Variants in PCDH15 observed in about 807,000 individuals in gnomAD.
PCDH15 encodes protocadherin-15.
PCDH15 carries 129 observed loss-of-function variants against 178.5 expected under a neutral mutation model. The observed-to-expected ratio is 0.72, with a 90% CI of 0.63 to 0.84. PCDH15 has a LOEUF of 0.84. PCDH15 is among the 40% of genes least tolerant of loss of function. PCDH15 has a pLI of 0.00. For missense variants in PCDH15, 2,230 were observed against 2,099.9 expected (o/e 1.06, Z -1.21); for synonymous variants, 800 against 732.0 (o/e 1.09, Z -1.50).
chr10:55,103,410 C>T (rs1842615476), intron 2 of PCDH15, among the ~76,000 whole-genome samples: 1 of 152,160 alleles, frequency 6.6e-6, no homozygotes, highest in African/African-American at 2.4e-5. Flanking sequence ...TCTTGAATTT[C>T]TCCAAGATCC....
rs748995667 is a variant in PCDH15 at position 54,153,159 on chromosome 10, G to A, written c.1725C>T (p.Val575=). Reference sequence around the variant, plus strand: ...GGACCGTGAGTGCGTAAGTCCGCCCGACTATCATTTCCACCCCTGGAGCGA... The same window carrying A: ...GGACCGTGAGTGCGTAAGTCCGCCCAACTATCATTTCCACCCCTGGAGCGA... ...ITIAPGVEMI[V]GRTYALTVQA... The change falls in exon 14 of 38, where the codon GTC becomes GTT. Residue 575 remains valine, a synonymous_variant. Coordinates refer to ENST00000644397, the MANE Select transcript of PCDH15 (RefSeq NM_001384140.1). 8.1e-6 allele frequency: 13 copies of A among 1,613,740 alleles called. No homozygotes were observed. Among genetic ancestry groups the A allele is most frequent in the Non-Finnish European group, 1.1e-5 (13 of 1,179,884 alleles).
intron 2 of PCDH15, among the ~76,000 whole-genome samples, chr10:55,472,557 A>T (rs1839982474): frequency 6.6e-6 from 1 of 151,444 alleles, no homozygotes; most frequent in Admixed American, 6.6e-5. Context: ...AGGAGAAAAA[A>T]CACATGAACT....
intron 20 of PCDH15, among the ~76,000 whole-genome samples, chr10:54,019,192 C>T (rs2092834874): frequency 6.6e-6 from 1 of 151,922 alleles, no homozygotes; most frequent in Admixed American, 6.6e-5. Context: ...TTTCTATTTT[C>T]TTCCCTTACC....
In PCDH15 at chr10:54,220,767, G is replaced by A. The variant is rs534748238; in HGVS notation, c.986-6719C>T. On this transcript the variant is annotated intron_variant, in intron 9 of 37. Coordinates refer to ENST00000644397, the MANE Select transcript of PCDH15 (RefSeq NM_001384140.1). ...GTGAACCCAGGAGGCGGAGCTTGCA[G>A]TGAGCCGAGATCGCGCCACTGCACT... Among the ~76,000 whole-genome samples the A allele has an allele frequency of 6.0e-3, 914 of 152,000 alleles. 8 individuals are homozygous for A. The highest frequency in any genetic ancestry group is 0.018 in the African/African-American group (750 of 41,490).
At chr10:55,449,368 A>T (rs1839384609) in intron 2 of PCDH15, among the ~76,000 whole-genome samples, 1 of 152,066 alleles carries the variant, frequency 6.6e-6, no homozygotes. Context: ...CCTAAGCTGG[A>T]CAGAATTTAA....
chr10:53,917,372 A>T (rs2133840079), intron 25 of PCDH15, among the ~76,000 whole-genome samples: 1 of 152,294 alleles, frequency 6.6e-6, no homozygotes, highest in East Asian at 1.9e-4. Context: ...GAATTCTTTG[A>T]CATATAATTA....
At chr10:54,210,435 C>T (rs761901207) in intron 10 of PCDH15, among the ~76,000 whole-genome samples, 5 of 151,962 alleles carry the variant, frequency 3.3e-5, no homozygotes, top group Admixed American at 6.6e-5. Flanking sequence ...AAATGTTTTG[C>T]AATCTGCCCT....
chr10:54,824,344 G>A (rs868334993), intron 3 of PCDH15, among the ~76,000 whole-genome samples: 59 of 152,136 alleles, frequency 3.9e-4, no homozygotes, highest in African/African-American at 1.3e-3. Context: ...AGTTACTGTC[G>A]GTTTCACAAC....
intron 1 of PCDH15, among the ~76,000 whole-genome samples, chr10:55,303,410 T>A (rs1475538099): frequency 2.0e-5 from 3 of 152,148 alleles, no homozygotes; most frequent in Non-Finnish European, 4.4e-5. Flanking sequence ...ATCTCCTGTA[T>A]TTTAGGCATG....
intron 2 of PCDH15, among the ~76,000 whole-genome samples, chr10:55,591,389 C>A (rs1182205345): frequency 6.6e-6 from 1 of 151,986 alleles, no homozygotes; most frequent in Non-Finnish European, 1.5e-5. Flanking sequence ...GAGTGGAAAT[C>A]AGGCCACTGC....
At chr10:53,842,832 T>A (rs1445386478) in intron 28 of PCDH15, among the ~76,000 whole-genome samples, 1 of 152,162 alleles carries the variant, frequency 6.6e-6, no homozygotes. Flanking sequence ...TTAAATACAA[T>A]GCAATAGATG....
At chr10:55,238,350 C>T (rs568573731) in intron 1 of PCDH15, among the ~76,000 whole-genome samples, 1 of 151,980 alleles carries the variant, frequency 6.6e-6, no homozygotes, top group South Asian at 2.1e-4. Flanking sequence ...CGGGGTTTCA[C>T]CATGTTAGCC....
intron 8 of PCDH15, among the ~76,000 whole-genome samples, chr10:54,249,104 T>C (rs528172957): frequency 1.3e-5 from 2 of 152,194 alleles, no homozygotes; most frequent in South Asian, 2.1e-4. Flanking sequence ...TCATTTTTAA[T>C]ATTTAAGGTA....
At chr10:55,598,801 G>T (rs1411895694) in intron 2 of PCDH15, among the ~76,000 whole-genome samples, 1 of 151,742 alleles carries the variant, frequency 6.6e-6, no homozygotes, top group African/African-American at 2.4e-5. Flanking sequence ...ATTAATAATT[G>T]CTTACACACA....
chr10:55,247,302 G>A (rs940407975), intron 1 of PCDH15, among the ~76,000 whole-genome samples: 2 of 152,104 alleles, frequency 1.3e-5, no homozygotes, highest in African/African-American at 4.8e-5. Flanking sequence ...GAAATCCTAC[G>A]TACATATTCT....
chr10:54,695,843 G>T (rs1483070488), intron 1 of PCDH15, among the ~76,000 whole-genome samples: 16 of 151,264 alleles, frequency 1.1e-4, no homozygotes, highest in Admixed American at 9.9e-4. Flanking sequence ...TTCCATTGGG[G>T]CTTCAAATGA....
intron 2 of PCDH15, among the ~76,000 whole-genome samples, chr10:55,065,932 T>A (rs1841553711): frequency 6.6e-6 from 1 of 151,990 alleles, no homozygotes; most frequent in East Asian, 1.9e-4. Flanking sequence ...TCAGTTTTTA[T>A]TACTGTTATT....
intron 28 of PCDH15, among the ~76,000 whole-genome samples, chr10:53,841,670 A>G (rs2077654539): frequency 6.6e-6 from 1 of 152,154 alleles, no homozygotes; most frequent in Non-Finnish European, 1.5e-5. Flanking sequence ...GTCTTATTGA[A>G]GTACTATTCA....
At chr10:54,590,179 T>A (rs778268354) in intron 2 of PCDH15, among the ~76,000 whole-genome samples, 8 of 152,208 alleles carry the variant, frequency 5.3e-5, no homozygotes, top group Non-Finnish European at 8.8e-5. Flanking sequence ...AACACTTTTA[T>A]CTATGTTGTT....
Sources: gnomAD v4.1 joint callset for allele counts (sites outside exome capture counted in the v4.1 genomes callset) on GRCh38, gnomAD v4.1.1 for gene constraint, MANE v1.5 for transcripts, NCBI Gene and HGNC (gene_info 2026-07-23, HGNC 2026-07-21) for gene names.